Variants in BRD4 observed in about 807,000 individuals in gnomAD.
BRD4 encodes bromodomain containing 4.
Under a neutral mutation model 142.1 loss-of-function variants are expected in BRD4, and 16 were observed. That is an observed-to-expected ratio of 0.11 (90% CI 0.08 to 0.17). The LOEUF (loss-of-function observed/expected upper bound fraction) is 0.17, where lower values mean the gene tolerates loss of function less well. Among genes scored for constraint, BRD4 ranks in the 10% least tolerant of loss-of-function variants. BRD4 has a pLI of 1.00. For missense variants in BRD4, 1,424 were observed against 1,810.9 expected (o/e 0.79, Z 3.88); for synonymous variants, 833 against 707.5 (o/e 1.18, Z -2.82).
At chr19:15,266,802 G>C (rs1258587465) in intron 4 of BRD4, among the ~76,000 whole-genome samples, 1 of 152,212 alleles carries the variant, frequency 6.6e-6, no homozygotes, top group African/African-American at 2.4e-5. Context: ...GCAGCATGGA[G>C]TTGCAAAGGA....
Position 15,238,529 on chromosome 19 carries a change from A to G in BRD4, c.4021-84T>C. 2 of 1,601,182 alleles carry G rather than the reference A, an allele frequency of 1.2e-6. No individual in the cohort carries two copies. The highest frequency in any genetic ancestry group is 2.2e-5 in the South Asian group (2 of 89,008). On this transcript the variant is annotated intron_variant, in intron 19 of 19. Coordinates refer to ENST00000679869, the MANE Select transcript of BRD4 (RefSeq NM_001379291.1). This position sits in a 1 kb window ranked among gnomAD's most constrained non-coding sequence, Gnocchi z 7.2. ...GCCCTCATACCCGCTACCAGCAGTCAGCCCCGTAGCCCTCCCCGTGGCTGA... is the reference window on the plus strand; with the variant it reads ...GCCCTCATACCCGCTACCAGCAGTCGGCCCCGTAGCCCTCCCCGTGGCTGA...
Position 15,273,080 on chromosome 19 carries a change from G to C in BRD4, c.20C>G (p.Pro7Arg), listed in dbSNP as rs1415180178. MSAESG[P>R]GTRLRNLPVM... is the part of the protein sequence containing the mutation. ...TGGCAGATTTCTCAATCTCGTCCCAGGGCCGCTCTCCGCAGACATGCTAGT... is the reference window on the plus strand; with the variant it reads ...TGGCAGATTTCTCAATCTCGTCCCACGGCCGCTCTCCGCAGACATGCTAGT... Residue 7 changes from proline (P) to arginine (R), a missense_variant, in exon 2 of 20, where the codon CCT becomes CGT. Pro to Arg is a moderately radical substitution (Grantham distance 103, BLOSUM62 -2). Coordinates refer to ENST00000679869, the MANE Select transcript of BRD4 (RefSeq NM_001379291.1). The C allele has an allele frequency of 3.2e-5, 52 of 1,601,974 alleles. No homozygotes were observed. Among genetic ancestry groups the C allele is most frequent in the Non-Finnish European group, 4.3e-5 (50 of 1,172,942 alleles).
chr19:15,288,432 G>C (rs1162181707), intron 1 of BRD4, among the ~76,000 whole-genome samples: 2 of 152,212 alleles, frequency 1.3e-5, no homozygotes, highest in South Asian at 4.2e-4. Flanking sequence ...TAGAAGAAGA[G>C]GAGTGAAACA....
intron 1 of BRD4, among the ~76,000 whole-genome samples, chr19:15,292,647 G>A (rs993690976): frequency 6.6e-6 from 1 of 151,530 alleles, no homozygotes; most frequent in Non-Finnish European, 1.5e-5. Flanking sequence ...GCGTGGTGGC[G>A]GGCACCTGTA....
intron 1 of BRD4, among the ~76,000 whole-genome samples, chr19:15,278,019 T>C (rs1243075557): frequency 1.5e-5 from 2 of 133,460 alleles, no homozygotes; most frequent in Non-Finnish European, 3.0e-5. Flanking sequence ...GGCAGGAGCA[T>C]GGTGTGAACC....
At position 15,324,533 on chromosome 19, in the gene BRD4, G is replaced by A. The variant is rs376644883; in HGVS notation, c.-35+7757C>T. Among the ~76,000 whole-genome samples, 10 of 152,258 alleles carry A rather than the reference G, an allele frequency of 6.6e-5. No individual in the cohort carries two copies. The East Asian group carries it at 1.5e-3, about 24-fold the overall frequency. ...AAAATTACTCTACCAAACTTTTCCA[G>A]GGAGACCTTACACCTTCCTGGGGAC... On this transcript the variant is annotated intron_variant, in intron 1 of 19. Transcript: ENST00000679869.
At chr19:15,312,837 A>G (rs1432043686) in intron 1 of BRD4, among the ~76,000 whole-genome samples, 1 of 151,780 alleles carries the variant, frequency 6.6e-6, no homozygotes, top group Non-Finnish European at 1.5e-5. Context: ...CCAGAGGCTG[A>G]GGCAAGAGAA....
intron 1 of BRD4, among the ~76,000 whole-genome samples, chr19:15,308,939 C>T (rs2047941733): frequency 6.6e-6 from 1 of 151,860 alleles, no homozygotes; most frequent in African/African-American, 2.4e-5. Context: ...TGCTTCAACC[C>T]AGCAGGTGAA....
At position 15,243,099 on chromosome 19, in the gene BRD4, A is replaced by C. The variant is rs561779284; in HGVS notation, c.2970T>G (p.His990Gln). ...AGTGCACGGGCCGTGGAGGGGGCTG[A>C]TGCTGCTGCTGGGGTGGAGGCTGGG... The part of the protein sequence containing the change: ...PQPQPPPQQQ[H>Q]QPPPRPVHLQ... Residue 990 changes from histidine to glutamine, a missense_variant, in exon 14 of 20, where the codon CAT becomes CAG. By Grantham distance (24) the His-to-Gln change is conservative (BLOSUM62 0). Transcript: ENST00000679869. 1.1e-5 allele frequency: 15 copies of C among 1,338,772 alleles called. No individual in the cohort carries two copies. The highest frequency in any genetic ancestry group is 8.7e-5 in the East Asian group (3 of 34,550). The allele number at this position is 1,338,772 out of a possible 1,614,324, so 82.9% of individuals were successfully genotyped here.
intron 1 of BRD4, among the ~76,000 whole-genome samples, chr19:15,302,174 A>G (rs1270933900): frequency 2.0e-5 from 3 of 152,130 alleles, no homozygotes; most frequent in East Asian, 3.8e-4. Flanking sequence ...CTCAAAAAAA[A>G]AAAAGGGGAA....
intron 11 of BRD4, among the ~76,000 whole-genome samples, chr19:15,249,648 T>TGCCCC (rs1392839935): frequency 7.9e-5 from 12 of 152,138 alleles, no homozygotes; most frequent in Non-Finnish European, 1.6e-4. Context: ...TTCTTTTGAA[T>TGCCCC]TTGAGTGATG....
chr19:15,271,296 T>C (rs1362377199), intron 2 of BRD4, among the ~76,000 whole-genome samples: 1 of 152,204 alleles, frequency 6.6e-6, no homozygotes, highest in Non-Finnish European at 1.5e-5. Flanking sequence ...GCCAAGCTTC[T>C]TGAAATGGTG....
chr19:15,310,584 CTCCTGACCTCGTGAT>C (rs774326711), intron 1 of BRD4, among the ~76,000 whole-genome samples: 3 of 151,960 alleles, frequency 2.0e-5, no homozygotes, highest in Non-Finnish European at 4.4e-5. Flanking sequence ...AGGTCTCAAT[CTCCTGACCTCGTGAT>C]CCGCCCGCCT....
chr19:15,317,988 C>T (rs2145724496), intron 1 of BRD4, among the ~76,000 whole-genome samples: 1 of 152,304 alleles, frequency 6.6e-6, no homozygotes, highest in Admixed American at 6.5e-5. Context: ...TACTTGGCAG[C>T]TTTTTATAAC....
rs1362402277 is a variant in BRD4 at position 15,272,886 on chromosome 19, T to G, written c.214A>C (p.Lys72Gln). ...QLQYLLRVVL[K>Q]TLWKHQFAWP... is the part of the protein sequence containing the mutation. ...GCAAACTGGTGTTTCCATAGTGTCT[T>G]GAGCACCACTCTGAGCAGGTATTGC... is the stretch of plus-strand genomic sequence containing the variant. Residue 72 changes from lysine (K) to glutamine (Q), a missense_variant, in exon 2 of 20, where the codon AAG becomes CAG. Coordinates refer to ENST00000679869, the MANE Select transcript of BRD4 (RefSeq NM_001379291.1). The G allele has an allele frequency of 6.2e-7, 1 of 1,614,020 alleles. No homozygotes were observed. The highest frequency in any genetic ancestry group is 8.5e-7 in the Non-Finnish European group (1 of 1,180,036).
intron 1 of BRD4, among the ~76,000 whole-genome samples, chr19:15,289,508 G>A (rs1027380947): frequency 2.0e-5 from 3 of 151,976 alleles, no homozygotes; most frequent in Non-Finnish European, 2.9e-5. Flanking sequence ...CCGAGATCGC[G>A]CCACTGCACT....
chr19:15,302,776 C>A (rs1017968800), intron 1 of BRD4, among the ~76,000 whole-genome samples: 1 of 150,084 alleles, frequency 6.7e-6, no homozygotes, highest in Admixed American at 6.7e-5. Flanking sequence ...GAGGCCGAGG[C>A]GGGCGCATCA....
intron 1 of BRD4, among the ~76,000 whole-genome samples, chr19:15,316,447 C>T (rs777351078): frequency 1.6e-4 from 24 of 151,922 alleles, no homozygotes; most frequent in African/African-American, 3.6e-4. Flanking sequence ...AAAAAACAGT[C>T]GGGCATGGTG....
rs1053643721 is a variant in BRD4, at chr19:15,255,553, G to A, written c.1791C>T (p.Pro597=). 6.2e-7 allele frequency: 1 copy of A among 1,611,040 alleles called. No homozygotes were observed. The highest frequency in any genetic ancestry group is 8.5e-7 in the Non-Finnish European group (1 of 1,177,362). Residue 597 remains proline (P), a synonymous_variant, in exon 10 of 20, where the codon CCC becomes CCT. Coordinates refer to ENST00000679869, the MANE Select transcript of BRD4 (RefSeq NM_001379291.1). ...TGTCCTCTTCCTCCGACTCATACGTGGGAGGGGGCTTGCTCTTCATGGGCG... is the reference window on the plus strand; with the variant it reads ...TGTCCTCTTCCTCCGACTCATACGTAGGAGGGGGCTTGCTCTTCATGGGCG... ...EPAPMKSKPP[P]TYESEEEDKC...
Sources: gnomAD v4.1 joint callset for allele counts (sites outside exome capture counted in the v4.1 genomes callset) on GRCh38, gnomAD v4.1.1 for gene constraint, Gnocchi (gnomAD v3.1) non-coding constraint, MANE v1.5 for transcripts, NCBI Gene and HGNC (gene_info 2026-07-23, HGNC 2026-07-21) for gene names.